COL23A1: variants seen among roughly 807,000 people sequenced by gnomAD.
COL23A1 encodes collagen type XXIII alpha 1 chain.
A neutral mutation model predicts 99.3 loss-of-function variants in COL23A1; 97 were observed. That is an observed-to-expected ratio of 0.98 (90% CI 0.83 to 1.16). The LOEUF is 1.16. Among genes scored for constraint, COL23A1 ranks in the 50% most tolerant of loss-of-function variants. The pLI, the probability that COL23A1 is intolerant of heterozygous loss-of-function variation, is 0.00. For synonymous variants in COL23A1, 320 were observed against 308.2 expected, an observed-to-expected ratio of 1.04 and a Z score of -0.40; for missense variants, 762 against 757.4, an observed-to-expected ratio of 1.01 and a Z score of -0.07.
chr5:178,458,977 G>C (rs1755964297), intron 2 of COL23A1, among the ~76,000 whole-genome samples: 1 of 152,060 alleles, frequency 6.6e-6, no homozygotes, highest in Non-Finnish European at 1.5e-5. Flanking sequence ...CCAGGTGGTG[G>C]GAAACTCCAG....
At chr5:178,453,551 A>C (rs1767606240) in intron 2 of COL23A1, among the ~76,000 whole-genome samples, 1 of 152,124 alleles carries the variant, frequency 6.6e-6, no homozygotes, top group Non-Finnish European at 1.5e-5. Context: ...CTGACCAAGG[A>C]ATCTACCCCT....
intron 2 of COL23A1, among the ~76,000 whole-genome samples, chr5:178,420,789 A>G (rs1221048829): frequency 1.3e-5 from 2 of 149,080 alleles, no homozygotes; most frequent in Non-Finnish European, 3.0e-5. Context: ...TCTCCCAAAC[A>G]ATGAGAAACT....
chr5:178,505,598 C>T (rs145272415), intron 2 of COL23A1, among the ~76,000 whole-genome samples: 1 of 152,192 alleles, frequency 6.6e-6, no homozygotes, highest in Non-Finnish European at 1.5e-5. Context: ...GATTAGGGCA[C>T]GTGTTAATCA....
intron 2 of COL23A1, among the ~76,000 whole-genome samples, chr5:178,412,658 G>A (rs1010471175): frequency 7.9e-5 from 12 of 152,070 alleles, no homozygotes; most frequent in African/African-American, 9.7e-5. Context: ...AAAAGTGCAC[G>A]TATCACAAGT....
intron 2 of COL23A1, among the ~76,000 whole-genome samples, chr5:178,490,704 G>A (rs1581492652): frequency 6.6e-6 from 1 of 152,198 alleles, no homozygotes; most frequent in South Asian, 2.1e-4. Flanking sequence ...TTCGGCCTGG[G>A]AGTTTGAGAC....
intron 2 of COL23A1, among the ~76,000 whole-genome samples, chr5:178,358,655 CGTGT>C (rs1301058559): frequency 4.9e-5 from 5 of 102,920 alleles, no homozygotes; most frequent in South Asian, 3.3e-4. Context: ...TGTATGTGTA[CGTGT>C]GTATGTGTCT....
rs1051713774 is a variant in COL23A1, at chr5:178,428,454, C to T, written c.362-121535G>A. Among the ~76,000 whole-genome samples, 6 of 152,228 alleles carry T rather than the reference C, an allele frequency of 3.9e-5. No homozygotes were observed. The highest frequency in any genetic ancestry group is 1.2e-4 in the African/African-American group (5 of 41,460). Reference sequence around the variant, plus strand: ...AGGGCCCCTTCCTCATTCTGCTGCTCGGAACTCCTTGTGACAAGGACTGAG... The same window carrying T: ...AGGGCCCCTTCCTCATTCTGCTGCTTGGAACTCCTTGTGACAAGGACTGAG... On this transcript the variant is annotated intron_variant, in intron 2 of 28. Coordinates refer to ENST00000390654, the MANE Select transcript of COL23A1 (RefSeq NM_173465.4). The surrounding 1 kb of genome is among the most constrained non-coding windows in gnomAD (Gnocchi z 5.0).
chr5:178,410,845 G>C (rs964381809), intron 2 of COL23A1, among the ~76,000 whole-genome samples: 9 of 152,262 alleles, frequency 5.9e-5, no homozygotes, highest in Admixed American at 5.2e-4. Context: ...CATACAGAAT[G>C]CAAGAATACA....
intron 2 of COL23A1, among the ~76,000 whole-genome samples, chr5:178,448,213 TTC>T (rs1767279082): frequency 4.0e-5 from 1 of 24,942 alleles, no homozygotes; most frequent in East Asian, 1.2e-3. Flanking sequence ...GTCCGTTTTG[TTC>T]TGTTAGTGCT....
rs1008097238 is a variant in COL23A1, at chr5:178,520,444, G to A, written c.361+40238C>T. ...TGATACGGAAGCTACTAAGGCCAAAGGACAAAAGCTAGGCCATTTTGGACC... is the reference window on the plus strand; with the variant it reads ...TGATACGGAAGCTACTAAGGCCAAAAGACAAAAGCTAGGCCATTTTGGACC... On this transcript the variant is annotated intron_variant, in intron 2 of 28. Coordinates refer to ENST00000390654, the MANE Select transcript of COL23A1 (RefSeq NM_173465.4). Among the ~76,000 whole-genome samples the A allele has an allele frequency of 2.6e-5, 4 of 152,202 alleles. No individual in the cohort carries two copies. In the East Asian group the frequency reaches 5.8e-4, roughly 22 times the overall value.
intron 1 of COL23A1, among the ~76,000 whole-genome samples, chr5:178,588,722 G>A (rs1764121458): frequency 6.9e-6 from 1 of 144,814 alleles, no homozygotes; most frequent in South Asian, 2.1e-4. Flanking sequence ...TGAACAAGGA[G>A]GTGTGGTACG....
intron 2 of COL23A1, among the ~76,000 whole-genome samples, chr5:178,427,198 A>G (rs1269495918): frequency 3.3e-5 from 5 of 152,190 alleles, no homozygotes; most frequent in Non-Finnish European, 7.3e-5. Context: ...TGTCTCAAAA[A>G]ATAATAATAA....
chr5:178,311,642 G>A (rs1391022110), intron 2 of COL23A1, among the ~76,000 whole-genome samples: 3 of 134,944 alleles, frequency 2.2e-5, no homozygotes, highest in Admixed American at 7.6e-5. Context: ...AGCTTCACAC[G>A]TCTGGGCTCA....
chr5:178,556,393 C>T (rs937167327), intron 2 of COL23A1, among the ~76,000 whole-genome samples: 2 of 152,052 alleles, frequency 1.3e-5, no homozygotes, highest in East Asian at 1.9e-4. Context: ...GAGGCCGAGG[C>T]GGGTGTATCA....
At chr5:178,341,091 C>T (rs1414856353) in intron 2 of COL23A1, among the ~76,000 whole-genome samples, 2 of 152,054 alleles carry the variant, frequency 1.3e-5, no homozygotes, top group Non-Finnish European at 2.9e-5. Context: ...CTGGCTGCAT[C>T]CCCCCACTCC....
Position 178,255,862 on chromosome 5 carries a change from A to G in COL23A1, c.882+491T>C. The G allele has an allele frequency of 2.5e-6, 1 of 406,516 alleles. No individual in the cohort carries two copies. The highest frequency in any genetic ancestry group is 8.9e-5 in the East Asian group (1 of 11,294). 25.2% of individuals were successfully genotyped at this position (406,516 alleles called of 1,614,324 possible). A position where few individuals can be genotyped will look rare whatever the true frequency, so the allele number is the denominator to read the frequency against. On this transcript the variant is annotated intron_variant, in intron 15 of 28. Coordinates refer to ENST00000390654, the MANE Select transcript of COL23A1 (RefSeq NM_173465.4). This position sits in a 1 kb window ranked among gnomAD's most constrained non-coding sequence, Gnocchi z 4.2. ...AGCCTCTGGGAGCATGAGGAGACAG[A>G]GCCGAGGCCAGGATCCCGGACGTCA...
chr5:178,383,080 C>T (rs989763222), intron 2 of COL23A1, among the ~76,000 whole-genome samples: 5 of 152,102 alleles, frequency 3.3e-5, no homozygotes, highest in African/African-American at 1.2e-4. Flanking sequence ...GTGCATGGTT[C>T]CCGGACTTGA....
intron 2 of COL23A1, chr5:178,378,357 T>C (rs1184867867): frequency 6.7e-6 from 1 of 148,408 alleles, no homozygotes; most frequent in Non-Finnish European, 1.5e-5. Context: ...AGGACTGCAG[T>C]CCATGCCCCA....
rs567070397 is a variant in COL23A1 at position 178,537,741 on chromosome 5, G to A, written c.361+22941C>T. Among the ~76,000 whole-genome samples, 23 of 152,356 alleles carry A rather than the reference G, an allele frequency of 1.5e-4. 1 individual carries two copies. In the South Asian group the frequency reaches 2.7e-3, roughly 18 times the overall value. On this transcript the variant is annotated intron_variant, in intron 2 of 28. Transcript: ENST00000390654. ...AGTGGTAAAATATACACGGCATGAC[G>A]TTTACGTGGTGAAACGTGCGCGGCA...
Sources: allele counts gnomAD v4.1 joint callset (sites outside exome capture counted in the v4.1 genomes callset), GRCh38; gene constraint gnomAD v4.1.1; non-coding constraint Gnocchi (gnomAD v3.1); transcripts MANE v1.5; gene names NCBI Gene and HGNC (gene_info 2026-07-23, HGNC 2026-07-21).